The following MSRA variants were observed in gnomAD, a reference collection of about 807,000 sequenced individuals.
The protein encoded by MSRA is methionine sulfoxide reductase A, also known as mitochondrial peptide methionine sulfoxide reductase.
In MSRA, 54 loss-of-function variants were observed where a neutral mutation model predicts 31.3. That is an observed-to-expected ratio of 1.73 (90% CI 1.39 to 2.17). The LOEUF (loss-of-function observed/expected upper bound fraction) is 2.17. MSRA is among the 30% of genes most tolerant of loss of function. The pLI is 0.00. For synonymous variants in MSRA, 169 were observed against 116.5 expected (o/e 1.45, Z -2.90); for missense variants, 507 against 300.9 (o/e 1.69, Z -5.07).
chr8:10,156,206 A>G (rs62488739), intron 1 of MSRA, among the ~76,000 whole-genome samples: 6 of 152,242 alleles, frequency 3.9e-5, no homozygotes, highest in Admixed American at 3.9e-4. Flanking sequence ...GTCGGATTCC[A>G]TATCGAAACA....
chr8:10,225,594 A>G (rs1474234850), intron 2 of MSRA, among the ~76,000 whole-genome samples: 1 of 152,214 alleles, frequency 6.6e-6, no homozygotes, highest in Non-Finnish European at 1.5e-5. Flanking sequence ...TAGAGGAGCA[A>G]AAAGTCATAG....
intron 1 of MSRA, among the ~76,000 whole-genome samples, chr8:10,199,022 C>T (rs1209387772): frequency 6.6e-6 from 1 of 152,202 alleles, no homozygotes; most frequent in African/African-American, 2.4e-5. Flanking sequence ...TGAGACTGAG[C>T]ATCTATTGTG....
chr8:10,125,695 GT>G (rs1801450600), intron 1 of MSRA, among the ~76,000 whole-genome samples: 1 of 152,188 alleles, frequency 6.6e-6, no homozygotes, highest in African/African-American at 2.4e-5. Context: ...TCTCGTGAAA[GT>G]TTTCCCTCTT....
chr8:10,386,015 C>G (rs555985701), intron 5 of MSRA, among the ~76,000 whole-genome samples: 25 of 152,166 alleles, frequency 1.6e-4, no homozygotes, highest in African/African-American at 5.8e-4. Flanking sequence ...CAGACCCTGT[C>G]TGTGAGTATT....
intron 3 of MSRA, among the ~76,000 whole-genome samples, chr8:10,289,850 A>G (rs546011840): frequency 2.8e-4 from 43 of 152,258 alleles, no homozygotes; most frequent in Admixed American, 2.4e-3. Flanking sequence ...TAGATCCTAA[A>G]CATTTGAAGT....
chr8:10,394,117 A>G (rs903156934), intron 5 of MSRA, among the ~76,000 whole-genome samples: 1 of 152,228 alleles, frequency 6.6e-6, no homozygotes, highest in African/African-American at 2.4e-5. Context: ...ATTTGTAATG[A>G]CATTTAAATA....
intron 1 of MSRA, among the ~76,000 whole-genome samples, chr8:10,156,812 T>G (rs1274331183): frequency 6.7e-6 from 1 of 149,710 alleles, no homozygotes; most frequent in African/African-American, 2.4e-5. Context: ...TTCATTCCTT[T>G]TTTTTTTTTT....
At chr8:10,115,447 C>G (rs1800608034) in intron 1 of MSRA, among the ~76,000 whole-genome samples, 1 of 152,210 alleles carries the variant, frequency 6.6e-6, no homozygotes, top group African/African-American at 2.4e-5. Context: ...CTAGCACCTT[C>G]AGAGGGAGCA....
intron 5 of MSRA, among the ~76,000 whole-genome samples, chr8:10,415,666 C>G (rs1314899062): frequency 6.6e-6 from 1 of 152,132 alleles, no homozygotes; most frequent in East Asian, 1.9e-4. Context: ...CCTAGCCCAC[C>G]TTTCCAGTTT....
chr8:10,321,899 A>C, intron 5 of MSRA, among the ~76,000 whole-genome samples: 1 of 152,234 alleles, frequency 6.6e-6, no homozygotes, highest in East Asian at 1.9e-4. Flanking sequence ...CACACAGCCA[A>C]GCTGTGCCAC....
In MSRA at chr8:10,063,422, A is replaced by G. The variant is rs141468890; in HGVS notation, c.142+8764A>G. ...CTCTTCAATGCTGGACACTTGCTGTAATTTGCTGCTGGCCTCAGTGTTTCA... is the reference window on the plus strand; with the variant it reads ...CTCTTCAATGCTGGACACTTGCTGTGATTTGCTGCTGGCCTCAGTGTTTCA... On this transcript the variant is annotated intron_variant, in intron 1 of 5. Coordinates refer to ENST00000317173, the MANE Select transcript of MSRA (RefSeq NM_012331.5). Among the ~76,000 whole-genome samples, 316 of 152,178 alleles carry G rather than the reference A, an allele frequency of 2.1e-3. 1 individual carries two copies. The highest frequency in any genetic ancestry group is 7.3e-3 in the African/African-American group (301 of 41,512).
intron 1 of MSRA, among the ~76,000 whole-genome samples, chr8:10,124,867 A>C (rs1563123897): frequency 6.6e-6 from 1 of 152,222 alleles, no homozygotes; most frequent in Non-Finnish European, 1.5e-5. Context: ...GTTCTACCTT[A>C]AAAATAAAGC....
chr8:10,172,452 G>A (rs1436048584), intron 1 of MSRA, among the ~76,000 whole-genome samples: 1 of 152,158 alleles, frequency 6.6e-6, no homozygotes, highest in African/African-American at 2.4e-5. Context: ...AGCAGGGCAG[G>A]GGAGGGGGAG....
chr8:10,146,832 G>GGT (rs1803185964), intron 1 of MSRA, among the ~76,000 whole-genome samples: 1 of 152,196 alleles, frequency 6.6e-6, no homozygotes. Flanking sequence ...TGGAAGGAGA[G>GGT]GTGGGGCTTT....
chr8:10,077,724 T>C (rs544802664), intron 1 of MSRA, among the ~76,000 whole-genome samples: 3 of 152,214 alleles, frequency 2.0e-5, no homozygotes, highest in South Asian at 4.1e-4. Flanking sequence ...TGACAACTCA[T>C]CTATTAATAA....
chr8:10,239,793 C>T (rs1315064530), intron 2 of MSRA, among the ~76,000 whole-genome samples: 3 of 152,178 alleles, frequency 2.0e-5, no homozygotes, highest in African/African-American at 4.8e-5. Flanking sequence ...TGAAGTCAAT[C>T]CTGTTTCTCT....
At chr8:10,124,808 GAATTA>G (rs33967218) in intron 1 of MSRA, among the ~76,000 whole-genome samples, 45,779 of 151,546 alleles carry the variant, frequency 0.3, 7,642 homozygotes, top group East Asian at 0.56. Context: ...AAAAATAATT[GAATTA>G]AATTGGGTAA....
At chr8:10,360,911 C>A (rs1395411851) in intron 5 of MSRA, among the ~76,000 whole-genome samples, 1 of 152,194 alleles carries the variant, frequency 6.6e-6, no homozygotes, top group Admixed American at 6.5e-5. Flanking sequence ...GTGGAACATA[C>A]TTGGGCAAGC....
At chr8:10,309,955 G>T (rs946879538) in intron 4 of MSRA, among the ~76,000 whole-genome samples, 1 of 152,154 alleles carries the variant, frequency 6.6e-6, no homozygotes, top group Admixed American at 6.5e-5. Context: ...CTGTCTACTG[G>T]GAAACATTCA....
Sources: allele counts gnomAD v4.1 joint callset (sites outside exome capture counted in the v4.1 genomes callset), GRCh38; gene constraint gnomAD v4.1.1; transcripts MANE v1.5; gene names NCBI Gene and HGNC (gene_info 2026-07-23, HGNC 2026-07-21).